Variants in PRKCH observed in about 807,000 individuals in gnomAD.
PRKCH encodes the protein protein kinase C eta.
In PRKCH, 28 loss-of-function variants were observed where a neutral mutation model predicts 82.5. The ratio of observed to expected loss-of-function variants is 0.34; its 90% confidence interval spans 0.25 to 0.47. The LOEUF is 0.47. Ranked by LOEUF, PRKCH falls within the 20% of genes least tolerant of loss-of-function variation. PRKCH has a pLI of 1.00. For missense variants in PRKCH, 705 were observed against 881.8 expected, an observed-to-expected ratio of 0.80 and a Z score of 2.54; for synonymous variants, 322 against 327.4, an observed-to-expected ratio of 0.98 and a Z score of 0.18.
chr14:61,386,796 C>T (rs1368914306), intron 1 of PRKCH, among the ~76,000 whole-genome samples: 5 of 152,142 alleles, frequency 3.3e-5, no homozygotes, highest in African/African-American at 9.7e-5. Flanking sequence ...TGTTAGAAGG[C>T]ATAGAGGGAT....
intron 1 of PRKCH, among the ~76,000 whole-genome samples, chr14:61,269,957 G>T (rs1263855242): frequency 6.6e-6 from 1 of 152,166 alleles, no homozygotes; most frequent in Non-Finnish European, 1.5e-5. Context: ...TCTGTAGAAC[G>T]ACCTTCCCCA....
intron 2 of PRKCH, among the ~76,000 whole-genome samples, chr14:61,428,076 T>TAGATAGATAC (rs377250538): frequency 0.13 from 16,339 of 125,454 alleles, 1,153 homozygotes; most frequent in South Asian, 0.2. Flanking sequence ...GATAGATAGA[T>TAGATAGATAC]ACACACACAC....
chr14:61,521,556 T>C (rs887285657), intron 10 of PRKCH, among the ~76,000 whole-genome samples: 4 of 150,800 alleles, frequency 2.7e-5, no homozygotes, highest in African/African-American at 9.8e-5. Flanking sequence ...TTCTAATCTT[T>C]TTATTTTATT....
intron 1 of PRKCH, among the ~76,000 whole-genome samples, chr14:61,352,063 G>A (rs1462856607): frequency 6.6e-6 from 1 of 152,054 alleles, no homozygotes; most frequent in Non-Finnish European, 1.5e-5. Flanking sequence ...ACAAAGGGGT[G>A]GCAACTTGAA....
chr14:61,243,255 A>G (rs182840112), intron 1 of PRKCH, among the ~76,000 whole-genome samples: 242 of 151,842 alleles, frequency 1.6e-3, no homozygotes, highest in African/African-American at 5.7e-3. Flanking sequence ...AAAATTCACC[A>G]GGTGTGGTTG....
At chr14:61,247,684 C>T (rs561173381) in intron 1 of PRKCH, among the ~76,000 whole-genome samples, 6 of 123,508 alleles carry the variant, frequency 4.9e-5, no homozygotes, top group African/African-American at 1.5e-4. Context: ...TACAGTGACC[C>T]GAGATTGCAC....
chr14:61,536,521 T>G (rs1186745700), intron 12 of PRKCH, among the ~76,000 whole-genome samples: 2 of 152,176 alleles, frequency 1.3e-5, no homozygotes, highest in Non-Finnish European at 2.9e-5. Context: ...GGGGCATCTT[T>G]CCATGGCTTC....
intron 1 of PRKCH, among the ~76,000 whole-genome samples, chr14:61,225,242 T>C (rs1323318502): frequency 2.0e-5 from 3 of 152,218 alleles, no homozygotes; most frequent in Non-Finnish European, 4.4e-5. Context: ...AACATGTCTG[T>C]TTTTTAGTTC....
chr14:61,512,357 C>T (rs1468186800), intron 10 of PRKCH, among the ~76,000 whole-genome samples: 1 of 148,464 alleles, frequency 6.7e-6, no homozygotes, highest in African/African-American at 2.5e-5. Flanking sequence ...GAGTAGAACT[C>T]ATGAGGCTGA....
chr14:61,518,484 G>C (rs574970991), intron 10 of PRKCH, among the ~76,000 whole-genome samples: 2 of 152,158 alleles, frequency 1.3e-5, no homozygotes, highest in Admixed American at 6.5e-5. Context: ...AGGCTCAGCT[G>C]TCAGTTTGAT....
rs554371119 is a variant in PRKCH, at chr14:61,346,958, C to G, written c.363+24494C>G. 6.2e-3 allele frequency among the ~76,000 whole-genome samples: 952 copies of G among 152,326 alleles called. 4 individuals are homozygous for G. Among genetic ancestry groups the G allele is most frequent in the Non-Finnish European group, 0.011 (751 of 68,022 alleles). On this transcript the variant is annotated intron_variant, in intron 1 of 13. Coordinates refer to ENST00000332981, the MANE Select transcript of PRKCH (RefSeq NM_006255.5). ...TTAGCTAATGATGTTGATGTCCTCACAAGCATTGTTTAGGAATGGCTTAGG... is the reference window on the plus strand; with the variant it reads ...TTAGCTAATGATGTTGATGTCCTCAGAAGCATTGTTTAGGAATGGCTTAGG...
At chr14:61,410,539 T>C (rs554267624) in intron 2 of PRKCH, among the ~76,000 whole-genome samples, 7 of 152,322 alleles carry the variant, frequency 4.6e-5, no homozygotes, top group African/African-American at 1.4e-4. Flanking sequence ...ATTGGGGTGA[T>C]GCTGGTGAAT....
chr14:61,213,432 A>G (rs1363538202), intron 1 of PRKCH, among the ~76,000 whole-genome samples: 2 of 152,190 alleles, frequency 1.3e-5, no homozygotes, highest in Non-Finnish European at 2.9e-5. Context: ...CACTCTCCCA[A>G]TCCTTGCTGA....
intron 1 of PRKCH, among the ~76,000 whole-genome samples, chr14:61,214,112 G>A (rs879262718): frequency 3.9e-5 from 6 of 152,190 alleles, no homozygotes; most frequent in Admixed American, 3.3e-4. Flanking sequence ...GTCACACTGT[G>A]GGGGGTGTAC....
At chr14:61,413,383 T>C (rs1882370306) in intron 2 of PRKCH, among the ~76,000 whole-genome samples, 1 of 135,444 alleles carries the variant, frequency 7.4e-6, no homozygotes, top group Non-Finnish European at 1.6e-5. Flanking sequence ...GATGACAACC[T>C]TCATCATTTC....
rs7152194 is a variant in PRKCH at position 61,204,784 on chromosome 14, G to A, written c.-19+17116G>A. On this transcript the variant is annotated intron_variant, in intron 1 of 3. Coordinates refer to the PRKCH transcript ENST00000555185. ...TCAAGAAAAAAAAAAAAAAAGAAAA[G>A]AAATAAATAGAGGTATAGGGCATTC... Among the ~76,000 whole-genome samples, 1,117 of 141,838 alleles carry A rather than the reference G, an allele frequency of 7.9e-3. 13 individuals are homozygous for A. The highest frequency in any genetic ancestry group is 0.029 in the African/African-American group (1,041 of 36,064). 93.1% of individuals were successfully genotyped at this position (141,838 alleles called of 152,430 possible).
chr14:61,395,181 G>T (rs943413352), intron 2 of PRKCH, among the ~76,000 whole-genome samples: 1 of 152,066 alleles, frequency 6.6e-6, no homozygotes. Context: ...CTCCTAGACT[G>T]GGGCTCAGCT....
At chr14:61,522,860 A>T (rs2042923016) in intron 10 of PRKCH, among the ~76,000 whole-genome samples, 1 of 152,356 alleles carries the variant, frequency 6.6e-6, no homozygotes, top group African/African-American at 2.4e-5. Context: ...GGGTGAAGGG[A>T]TGGATATCTC....
rs187365688 is a variant in PRKCH, at chr14:61,407,990, C to T, written c.427+16702C>T. 2.6e-4 allele frequency among the ~76,000 whole-genome samples: 39 copies of T among 152,334 alleles called. No homozygotes were observed. The East Asian group carries it at 6.6e-3, about 26-fold the overall frequency. ...TGTCTGAATTTCCTCTGAATTCACACCTCTATGCCTCCTTCTCTGGCCTCA... is the reference window on the plus strand; with the variant it reads ...TGTCTGAATTTCCTCTGAATTCACATCTCTATGCCTCCTTCTCTGGCCTCA... On this transcript the variant is annotated intron_variant, in intron 2 of 13. Transcript: ENST00000332981.
Sources: gnomAD v4.1 joint callset for allele counts (sites outside exome capture counted in the v4.1 genomes callset) on GRCh38, gnomAD v4.1.1 for gene constraint, MANE v1.5 for transcripts, NCBI Gene and HGNC (gene_info 2026-07-23, HGNC 2026-07-21) for gene names.